Variants in MOB3B observed in about 807,000 individuals in gnomAD.
The protein encoded by MOB3B is MOB kinase activator 3B, also known as MOB kinase activator-like 2B.
A neutral mutation model predicts 18.7 loss-of-function variants in MOB3B; 7 were observed. The observed-to-expected ratio is 0.37, with a 90% confidence interval of 0.21 to 0.70. MOB3B has a LOEUF of 0.70. MOB3B is among the 30% of genes least tolerant of loss of function. The pLI, the probability that MOB3B is intolerant of heterozygous loss-of-function variation, is 0.52. For missense variants in MOB3B, 253 were observed against 281.3 expected (o/e 0.90, Z 0.72); for synonymous variants, 111 against 99.9 (o/e 1.11, Z -0.66).
intron 1 of MOB3B, among the ~76,000 whole-genome samples, chr9:27,520,547 T>C (rs1820307547): frequency 6.6e-6 from 1 of 152,246 alleles, no homozygotes; most frequent in African/African-American, 2.4e-5. Context: ...AACAGAGGTA[T>C]GACCAGTGAC....
chr9:27,336,073 G>C (rs1367035457), intron 3 of MOB3B, among the ~76,000 whole-genome samples: 1 of 152,176 alleles, frequency 6.6e-6, no homozygotes, highest in East Asian at 1.9e-4. Flanking sequence ...GATGGGGAAG[G>C]CACTTAGACT....
At chr9:27,398,516 G>A (rs75423404) in intron 2 of MOB3B, among the ~76,000 whole-genome samples, 1,568 of 152,272 alleles carry the variant, frequency 0.01, 26 homozygotes, top group African/African-American at 0.036. Flanking sequence ...TACAGAGCAG[G>A]TGTGCACAAT....
intron 1 of MOB3B, among the ~76,000 whole-genome samples, chr9:27,459,454 C>G (rs1045406365): frequency 5.3e-5 from 8 of 152,150 alleles, no homozygotes; most frequent in African/African-American, 1.4e-4. Context: ...CCTGGTAGAT[C>G]TAAGTGTGCA....
chr9:27,489,584 TA>T (rs1171673760), intron 1 of MOB3B, among the ~76,000 whole-genome samples: 1 of 152,120 alleles, frequency 6.6e-6, no homozygotes, highest in Non-Finnish European at 1.5e-5. Flanking sequence ...TGGTGAGGCA[TA>T]AATTTCCCTA....
chr9:27,406,388 T>C (rs192447908), intron 2 of MOB3B, among the ~76,000 whole-genome samples: 34 of 152,138 alleles, frequency 2.2e-4, no homozygotes, highest in African/African-American at 7.0e-4. Context: ...AAAAAAATAA[T>C]CCTTAAATGT....
chr9:27,516,279 C>T (rs1011325789), intron 1 of MOB3B, among the ~76,000 whole-genome samples: 5 of 152,198 alleles, frequency 3.3e-5, no homozygotes, highest in Admixed American at 2.0e-4. Context: ...GAAATGAATA[C>T]ATCCCAAAAC....
chr9:27,528,550 G>C (rs557357895), intron 1 of MOB3B, among the ~76,000 whole-genome samples: 1 of 152,358 alleles, frequency 6.6e-6, no homozygotes, highest in East Asian at 1.9e-4. Flanking sequence ...GGCCTCGCTG[G>C]GGTCGGGCTC....
At chr9:27,361,504 G>T (rs1292992801) in intron 2 of MOB3B, among the ~76,000 whole-genome samples, 1 of 152,198 alleles carries the variant, frequency 6.6e-6, no homozygotes, top group Non-Finnish European at 1.5e-5. Flanking sequence ...AACATACTCT[G>T]CTGCCTTCAA....
chr9:27,443,298 C>T (rs1822623164), intron 2 of MOB3B, among the ~76,000 whole-genome samples: 1 of 152,154 alleles, frequency 6.6e-6, no homozygotes. Flanking sequence ...CAGGAACGTG[C>T]CACCAAATAT....
intron 1 of MOB3B, among the ~76,000 whole-genome samples, chr9:27,497,871 C>T (rs555478251): frequency 1.3e-5 from 2 of 152,336 alleles, no homozygotes; most frequent in East Asian, 1.9e-4. Context: ...TTTCTATTAG[C>T]TGATCCTTGT....
chr9:27,392,018 T>C (rs1184680286), intron 2 of MOB3B, among the ~76,000 whole-genome samples: 1 of 152,184 alleles, frequency 6.6e-6, no homozygotes, highest in East Asian at 1.9e-4. Flanking sequence ...TAATTTCATA[T>C]CAGATTCAAT....
intron 1 of MOB3B, among the ~76,000 whole-genome samples, chr9:27,462,340 G>GAA: frequency 6.6e-6 from 1 of 151,946 alleles, no homozygotes; most frequent in Non-Finnish European, 1.5e-5. Flanking sequence ...CACGTGAATT[G>GAA]AAAAAAACAA....
intron 1 of MOB3B, among the ~76,000 whole-genome samples, chr9:27,482,821 A>G (rs1194938531): frequency 2.0e-5 from 3 of 152,226 alleles, no homozygotes; most frequent in Non-Finnish European, 4.4e-5. Context: ...GTAATGAGAC[A>G]AAGAAAATTG....
intron 2 of MOB3B, among the ~76,000 whole-genome samples, chr9:27,401,247 A>G (rs1323434220): frequency 6.6e-6 from 1 of 152,114 alleles, no homozygotes; most frequent in Non-Finnish European, 1.5e-5. Flanking sequence ...TCCTCATTTG[A>G]CACATAGATG....
intron 3 of MOB3B, among the ~76,000 whole-genome samples, chr9:27,347,333 G>C (rs1350027483): frequency 1.3e-5 from 2 of 152,224 alleles, no homozygotes; most frequent in Non-Finnish European, 2.9e-5. Flanking sequence ...TTACCAGTGG[G>C]AAAAGTAAGA....
At chr9:27,358,937 C>G (rs113644734) in intron 3 of MOB3B, 97 bp downstream of exon 3, 13 of 1,246,974 alleles carry the variant, frequency 1.0e-5, no homozygotes, top group African/African-American at 7.4e-5. Flanking sequence ...TAACAGCTAG[C>G]CATCAATGAG....
intron 3 of MOB3B, among the ~76,000 whole-genome samples, chr9:27,340,196 G>T (rs900617394): frequency 3.3e-5 from 5 of 152,018 alleles, no homozygotes; most frequent in Non-Finnish European, 7.4e-5. Context: ...CGATGGAGGG[G>T]TGCGTGTGTG....
intron 2 of MOB3B, among the ~76,000 whole-genome samples, chr9:27,388,977 T>C (rs1384435386): frequency 6.6e-6 from 1 of 152,190 alleles, no homozygotes; most frequent in Admixed American, 6.5e-5. Context: ...TCCCCATTTT[T>C]AGTCTTGACA....
intron 1 of MOB3B, among the ~76,000 whole-genome samples, chr9:27,486,368 C>T (rs896998404): frequency 6.6e-6 from 1 of 152,162 alleles, no homozygotes; most frequent in Non-Finnish European, 1.5e-5. Context: ...AGAAGAAGAT[C>T]TGGAACAAGA....
Sources: gnomAD v4.1 joint callset for allele counts (sites outside exome capture counted in the v4.1 genomes callset) on GRCh38, gnomAD v4.1.1 for gene constraint, MANE v1.5 for transcripts, NCBI Gene and HGNC (gene_info 2026-07-23, HGNC 2026-07-21) for gene names.